ORC4: variants seen among roughly 807,000 people sequenced by gnomAD.
ORC4 encodes origin recognition complex subunit 4.
In ORC4, 55 loss-of-function variants were observed where a neutral mutation model predicts 63.9. The ratio of observed to expected loss-of-function variants is 0.86; its 90% CI spans 0.69 to 1.08. ORC4 has a LOEUF of 1.08. ORC4 is among the 50% of genes least tolerant of loss of function. The probability of loss-of-function intolerance (pLI) is 0.00; values close to 1 mark genes in which losing one functional copy is unlikely to be tolerated. For synonymous variants in ORC4, 150 were observed against 168.5 expected (o/e 0.89, Z 0.85); for missense variants, 511 against 504.4 (o/e 1.01, Z -0.13).
intron 1 of ORC4, among the ~76,000 whole-genome samples, chr2:147,996,913 A>C (rs1325039371): frequency 1.3e-5 from 2 of 152,250 alleles, no homozygotes; most frequent in Non-Finnish European, 2.9e-5. Context: ...GGTTACACCC[A>C]AATGAGTTGA....
At chr2:148,010,966 T>C (rs1692931222) in intron 1 of ORC4, among the ~76,000 whole-genome samples, 1 of 151,372 alleles carries the variant, frequency 6.6e-6, no homozygotes, top group African/African-American at 2.4e-5. Context: ...TTAGCTGGGA[T>C]TACAGGCATA....
chr2:147,937,878 T>TTA (rs1161885123), intron 13 of ORC4: 1 of 461,610 alleles, frequency 2.2e-6, no homozygotes, highest in African/African-American at 2.0e-5. Context: ...AAGGGAAAGG[T>TTA]TATATCACAC....
intron 6 of ORC4, among the ~76,000 whole-genome samples, chr2:147,956,910 A>T (rs1450281924): frequency 6.6e-6 from 1 of 151,818 alleles, no homozygotes; most frequent in South Asian, 2.1e-4. Flanking sequence ...AACTGAGCAT[A>T]CTTAACAAGA....
chr2:148,020,451 A>C (rs1406333900), intron 1 of ORC4, among the ~76,000 whole-genome samples, 182 bp downstream of exon 1: 1 of 152,184 alleles, frequency 6.6e-6, no homozygotes, highest in East Asian at 1.9e-4. Flanking sequence ...AGTGGCCACA[A>C]GACGGAGCTC....
At chr2:148,018,854 G>C (rs529345376) in intron 1 of ORC4, among the ~76,000 whole-genome samples, 2 of 152,310 alleles carry the variant, frequency 1.3e-5, no homozygotes, top group South Asian at 4.1e-4. Context: ...GGATGATCAG[G>C]AATAGAATGG....
chr2:147,943,316 A>G lies in ORC4; in HGVS notation c.849+120T>C, dbSNP rs1688469342. On this transcript the variant is annotated intron_variant, in intron 10 of 13. Transcript: ENST00000392857. ...TTGTAATGTCAGCACTTAGGGAGGC[A>G]GAGGTGGGAGGATGGCTTAAGGCCA... 4 of 705,134 alleles carry G rather than the reference A, an allele frequency of 5.7e-6. No homozygotes were observed. The Admixed American group carries it at 8.2e-5, about 14-fold the overall frequency. The allele number at this position is 705,134 out of a possible 1,614,324, so 43.7% of individuals were successfully genotyped here.
At chr2:147,974,413 C>A (rs911016693) in intron 2 of ORC4, among the ~76,000 whole-genome samples, 1 of 152,000 alleles carries the variant, frequency 6.6e-6, no homozygotes, top group Non-Finnish European at 1.5e-5. Flanking sequence ...ATGGGCAGAT[C>A]GCTTGAGGTT....
At chr2:147,971,304 A>G (rs1690195702) in intron 4 of ORC4, among the ~76,000 whole-genome samples, 1 of 151,764 alleles carries the variant, frequency 6.6e-6, no homozygotes, top group African/African-American at 2.4e-5. Context: ...AAAGAATAAT[A>G]TTCTTTTAAT....
At chr2:147,979,247 C>T (rs1309270529) in intron 1 of ORC4, among the ~76,000 whole-genome samples, 2 of 152,062 alleles carry the variant, frequency 1.3e-5, no homozygotes, top group African/African-American at 4.8e-5. Context: ...AGTACTAATA[C>T]ATACAGTAAA....
chr2:147,946,171 A>AT (rs575190150), intron 9 of ORC4, among the ~76,000 whole-genome samples: 1 of 152,044 alleles, frequency 6.6e-6, no homozygotes, highest in African/African-American at 2.4e-5. Flanking sequence ...CATCCTCTTT[A>AT]TTTATAGACT....
At chr2:147,966,516 G>A (rs1689902079) in intron 4 of ORC4, among the ~76,000 whole-genome samples, 1 of 151,832 alleles carries the variant, frequency 6.6e-6, no homozygotes, top group African/African-American at 2.4e-5. Flanking sequence ...AAAAGAAAAA[G>A]GAGACATCAA....
intron 1 of ORC4, among the ~76,000 whole-genome samples, chr2:148,016,124 T>A (rs1323053746): frequency 2.6e-5 from 4 of 152,076 alleles, no homozygotes; most frequent in African/African-American, 4.8e-5. Context: ...AGCAAAAATT[T>A]AAAAAAACAC....
chr2:147,954,958 A>G (rs945930757), intron 7 of ORC4, among the ~76,000 whole-genome samples: 1 of 152,010 alleles, frequency 6.6e-6, no homozygotes, highest in African/African-American at 2.4e-5. Context: ...TCTCTTCTTA[A>G]TTATAAAAAA....
At chr2:147,981,357 G>A (rs1362679111) in intron 1 of ORC4, among the ~76,000 whole-genome samples, 5 of 152,160 alleles carry the variant, frequency 3.3e-5, no homozygotes, top group African/African-American at 1.2e-4. Flanking sequence ...AGACAGAGCA[G>A]GACACTGCAA....
At chr2:148,001,176 G>A (rs1413622913) in intron 1 of ORC4, among the ~76,000 whole-genome samples, 1 of 152,014 alleles carries the variant, frequency 6.6e-6, no homozygotes, top group East Asian at 1.9e-4. Context: ...AAAATATTCT[G>A]GAGAACCTAA....
rs1398176154 is a variant in ORC4 at position 147,930,978 on chromosome 2, G to A, written c.*4532C>T. On this transcript the variant is annotated 3_prime_UTR_variant, in exon 14 of 14. Transcript: ENST00000392857. Reference sequence around the variant, plus strand: ...CCACTAACTCGTCATCTAGCATTAGGTATATCTCCTAATGCTATCCCTCCC... The same window carrying A: ...CCACTAACTCGTCATCTAGCATTAGATATATCTCCTAATGCTATCCCTCCC... The A allele has an allele frequency of 6.9e-6, 1 of 144,226 alleles. No homozygotes were observed. Among genetic ancestry groups the A allele is most frequent in the East Asian group, 2.0e-4 (1 of 5,052 alleles). The allele number at this position is 144,226 out of a possible 1,614,324, so 8.9% of individuals were successfully genotyped here.
In ORC4 at chr2:147,931,256, T is replaced by C. The variant is rs1687717393; in HGVS notation, c.*4254A>G. 3 of 151,624 alleles carry C rather than the reference T, an allele frequency of 2.0e-5. No homozygotes were observed. Among genetic ancestry groups the C allele is most frequent in the Non-Finnish European group, 1.5e-5 (1 of 67,906 alleles). 9.4% of individuals were successfully genotyped at this position (151,624 alleles called of 1,614,324 possible). A position where few individuals can be genotyped will look rare whatever the true frequency, so the allele number is the denominator to read the frequency against. ...CACGTTTTCTTAATCCAGTCTATCA[T>C]TGTTGGACATTTGGGTTGGTTCCAA... is the stretch of plus-strand genomic sequence containing the variant. On this transcript the variant is annotated 3_prime_UTR_variant, in exon 14 of 14. Transcript: ENST00000392857.
chr2:148,020,218 C>A (rs145248581), intron 1 of ORC4, among the ~76,000 whole-genome samples: 2 of 152,208 alleles, frequency 1.3e-5, no homozygotes, highest in Admixed American at 1.3e-4. Context: ...CCAATATGAG[C>A]AACGCGTGTG....
intron 2 of ORC4, among the ~76,000 whole-genome samples, chr2:147,974,337 A>C (rs1690399719): frequency 6.6e-6 from 1 of 152,152 alleles, no homozygotes; most frequent in South Asian, 2.1e-4. Context: ...GCCTGTTTGA[A>C]AGATTAAAAA....
Sources: allele counts gnomAD v4.1 joint callset (sites outside exome capture counted in the v4.1 genomes callset), GRCh38; gene constraint gnomAD v4.1.1; transcripts MANE v1.5; gene names NCBI Gene and HGNC (gene_info 2026-07-23, HGNC 2026-07-21).